The following COX6C variants were observed in gnomAD, a reference collection of about 807,000 sequenced individuals.
COX6C encodes cytochrome c oxidase subunit 6C.
In COX6C, 3 loss-of-function variants were observed where a neutral mutation model predicts 6.9. The observed-to-expected ratio is 0.43, with a 90% CI of 0.20 to 1.12. The LOEUF (loss-of-function observed/expected upper bound fraction) is 1.12. Ranked by LOEUF, COX6C falls within the 50% of genes most tolerant of loss-of-function variation. The pLI is 0.27. For missense variants in COX6C, 101 were observed against 97.3 expected (o/e 1.04, Z -0.16); for synonymous variants, 32 against 32.0 (o/e 1.00, Z 0.00).
intron 2 of COX6C, among the ~76,000 whole-genome samples, chr8:99,888,927 T>C (rs1817989010): frequency 6.6e-6 from 1 of 152,234 alleles, no homozygotes; most frequent in Non-Finnish European, 1.5e-5. Flanking sequence ...TGTGGTAGCC[T>C]AGTATTCAAT....
intron 1 of COX6C, 54 bp from the exon 2 acceptor site, chr8:99,892,106 T>G (rs1164087909): frequency 9.9e-7 from 1 of 1,007,110 alleles, no homozygotes; most frequent in Non-Finnish European, 1.5e-6. Context: ...AGCCACAAAC[T>G]TGAGAATGGC....
intron 3 of COX6C, among the ~76,000 whole-genome samples, chr8:99,881,151 G>A (rs773760240): frequency 2.4e-4 from 36 of 152,192 alleles, no homozygotes; most frequent in Admixed American, 7.9e-4. Flanking sequence ...CTTGAGGTCA[G>A]GAGTTCAAGA....
chr8:99,880,669 C>T (rs901164101), intron 3 of COX6C, among the ~76,000 whole-genome samples: 4 of 151,616 alleles, frequency 2.6e-5, no homozygotes, highest in Admixed American at 1.3e-4. Flanking sequence ...GAGTTCAAGA[C>T]CAGCCCAGGC....
intron 3 of COX6C, among the ~76,000 whole-genome samples, chr8:99,885,721 T>C (rs143887311): frequency 1.2e-4 from 18 of 152,306 alleles, no homozygotes; most frequent in African/African-American, 3.6e-4. Context: ...CTTCATGACA[T>C]TGGATTTGGC....
At chr8:99,880,634 A>G (rs1449685142) in intron 3 of COX6C, among the ~76,000 whole-genome samples, 2 of 152,008 alleles carry the variant, frequency 1.3e-5, no homozygotes, top group Non-Finnish European at 2.9e-5. Context: ...TGGGAGGCCA[A>G]GGCAGTAGGA....
chr8:99,879,499 C>T (rs1817823068), intron 3 of COX6C, among the ~76,000 whole-genome samples: 1 of 152,052 alleles, frequency 6.6e-6, no homozygotes, highest in African/African-American at 2.4e-5. Context: ...AAGCTCCAGG[C>T]CCCCAAACCC....
At position 99,893,667 on chromosome 8, in the gene COX6C, G is replaced by A. The variant is rs751800597; in HGVS notation, c.-60C>T. On this transcript the variant is annotated 5_prime_UTR_variant, in exon 1 of 4. Transcript: ENST00000520468. ...AACACCAACGTCCTTCCTGACTAAA[G>A]GAAAAACGAACCGTGCTGTAGCCGC... The A allele has an allele frequency of 3.3e-5, 5 of 152,296 alleles. No individual in the cohort carries two copies. Among genetic ancestry groups the A allele is most frequent in the Admixed American group, 6.5e-5 (1 of 15,288 alleles). The allele number at this position is 152,296 out of a possible 1,614,324, so 9.4% of individuals were successfully genotyped here. A position where few individuals can be genotyped will look rare whatever the true frequency, so the allele number is the denominator to read the frequency against.
intron 2 of COX6C, 130 bp downstream of exon 2, chr8:99,891,778 C>G: frequency 1.3e-6 from 1 of 772,866 alleles, no homozygotes. Context: ...AGCTATAGTT[C>G]CTGTCACACT....
chr8:99,886,289 C>G (rs1010909685), intron 3 of COX6C: 8 of 152,190 alleles, frequency 5.3e-5, no homozygotes, highest in African/African-American at 1.9e-4. Flanking sequence ...TCTTGGGAGG[C>G]TGAGGCAGGA....
intron 3 of COX6C, among the ~76,000 whole-genome samples, chr8:99,885,192 AC>A (rs1298047349): frequency 6.6e-6 from 1 of 152,202 alleles, no homozygotes; most frequent in African/African-American, 2.4e-5. Flanking sequence ...TGGTTCAAAA[AC>A]AGGTGAGTAC....
intron 2 of COX6C, among the ~76,000 whole-genome samples, chr8:99,888,942 G>C (rs1817989363): frequency 1.3e-5 from 2 of 152,212 alleles, no homozygotes; most frequent in African/African-American, 2.4e-5. Flanking sequence ...TTCAATCTGT[G>C]AGGTGGGGGC....
chr8:99,890,473 T>G (rs192345781), intron 2 of COX6C, among the ~76,000 whole-genome samples: 87 of 152,350 alleles, frequency 5.7e-4, no homozygotes, highest in Middle Eastern at 6.8e-3. Context: ...TCCAAAGCAC[T>G]TGAAACTCTA....
At chr8:99,882,246 C>T (rs1224354816) in intron 3 of COX6C, among the ~76,000 whole-genome samples, 1 of 152,134 alleles carries the variant, frequency 6.6e-6, no homozygotes, top group Non-Finnish European at 1.5e-5. Flanking sequence ...CTGGACTTAA[C>T]AAAACACTCC....
intron 1 of COX6C, chr8:99,893,275 C>A (rs533118993): frequency 2.9e-4 from 44 of 152,502 alleles, no homozygotes; most frequent in African/African-American, 1.0e-3. Context: ...CACCCCTTTT[C>A]TCACGGGAGA....
At chr8:99,880,572 A>G (rs1817846551) in intron 3 of COX6C, among the ~76,000 whole-genome samples, 1 of 152,128 alleles carries the variant, frequency 6.6e-6, no homozygotes, top group Non-Finnish European at 1.5e-5. Context: ...AGATCATTTG[A>G]AGTTATCAAG....
At chr8:99,881,298 T>C (rs780372047) in intron 3 of COX6C, among the ~76,000 whole-genome samples, 1 of 151,926 alleles carries the variant, frequency 6.6e-6, no homozygotes, top group Non-Finnish European at 1.5e-5. Flanking sequence ...AGGCGGAAGT[T>C]GCAGTGAGCC....
At chr8:99,892,514 T>G (rs1301854724) in intron 1 of COX6C, among the ~76,000 whole-genome samples, 1 of 152,136 alleles carries the variant, frequency 6.6e-6, no homozygotes, top group Non-Finnish European at 1.5e-5. Context: ...ACTCTGAGCT[T>G]TTTTTCCCTT....
chr8:99,885,274 T>C (rs1812591964), intron 3 of COX6C, among the ~76,000 whole-genome samples: 1 of 152,218 alleles, frequency 6.6e-6, no homozygotes, highest in South Asian at 2.1e-4. Context: ...TATTTTGTTA[T>C]TGTTGCTCAT....
chr8:99,890,451 C>G (rs1818017669), intron 2 of COX6C, among the ~76,000 whole-genome samples: 1 of 152,216 alleles, frequency 6.6e-6, no homozygotes, highest in African/African-American at 2.4e-5. Flanking sequence ...TAGCTACATG[C>G]CTTTTGTGTC....
Sources: allele counts gnomAD v4.1 joint callset (sites outside exome capture counted in the v4.1 genomes callset), GRCh38; gene constraint gnomAD v4.1.1; transcripts MANE v1.5; gene names NCBI Gene and HGNC (gene_info 2026-07-23, HGNC 2026-07-21).